Variants in RPTOR observed in about 807,000 individuals in gnomAD.
RPTOR encodes the protein regulatory associated protein of MTOR complex 1.
A neutral mutation model predicts 169.9 loss-of-function variants in RPTOR; 21 were observed. The observed-to-expected ratio is 0.12, with a 90% CI of 0.09 to 0.18. The LOEUF (loss-of-function observed/expected upper bound fraction) is 0.18, where lower values mean the gene tolerates loss of function less well. RPTOR is among the 10% of genes least tolerant of loss of function. The probability of loss-of-function intolerance (pLI) is 1.00; values close to 1 mark genes in which losing one functional copy is unlikely to be tolerated. For synonymous variants in RPTOR, 732 were observed against 753.2 expected, an observed-to-expected ratio of 0.97 and a Z score of 0.46; for missense variants, 1,133 against 1,855.9, an observed-to-expected ratio of 0.61 and a Z score of 7.16.
intron 3 of RPTOR, among the ~76,000 whole-genome samples, chr17:80,663,662 A>G (rs540322314): frequency 6.6e-6 from 1 of 152,314 alleles, no homozygotes; most frequent in Admixed American, 6.5e-5. Flanking sequence ...GGAAAATAAT[A>G]GAATGAATTG....
At chr17:80,891,883 G>A (rs1482011442) in intron 18 of RPTOR, 46 bp downstream of exon 18, 19 of 1,383,242 alleles carry the variant, frequency 1.4e-5, no homozygotes, top group Non-Finnish European at 1.9e-5. Flanking sequence ...TCGCCTGGCG[G>A]TTCTAGTGCA....
Position 80,964,986 on chromosome 17 carries a change from G to A in RPTOR, c.*656G>A, listed in dbSNP as rs1383715505. On this transcript the variant is annotated 3_prime_UTR_variant, in exon 34 of 34. Transcript: ENST00000306801. ...CTGGCAGCATCACTGAGCAGGAAGC[G>A]CACAGCCCACCCTCCCCGCACCTCC... The A allele has an allele frequency of 3.9e-5, 9 of 233,352 alleles. No homozygotes were observed. The highest frequency in any genetic ancestry group is 1.8e-4 in the South Asian group (1 of 5,538). 14.5% of individuals were successfully genotyped at this position (233,352 alleles called of 1,614,324 possible).
intron 6 of RPTOR, among the ~76,000 whole-genome samples, chr17:80,787,430 T>C (rs1229334956): frequency 2.0e-5 from 3 of 152,226 alleles, no homozygotes; most frequent in African/African-American, 7.2e-5. Context: ...TTGTTTTGCT[T>C]TGCTTTGGTG....
At position 80,754,108 on chromosome 17, in the gene RPTOR, G is replaced by T; in HGVS notation, c.753G>T (p.Leu251=). The change falls in exon 6 of 34, where the codon CTG becomes CTT. Residue 251 remains leucine (L), a synonymous_variant. Transcript: ENST00000306801. This position sits in a 1 kb window ranked among gnomAD's most constrained non-coding sequence, Gnocchi z 4.2. ...IQLAACEATE[L]LPMIPDLPAD... ...TGGCAGCCTGCGAGGCCACCGAGCT[G>T]CTGCCCATGATCCCCGACCTCCCGG... 1.9e-6 allele frequency: 3 copies of T among 1,613,934 alleles called. No homozygotes were observed. Among genetic ancestry groups the T allele is most frequent in the Non-Finnish European group, 1.7e-6 (2 of 1,180,026 alleles).
chr17:80,866,398 C>T (rs183561792), intron 13 of RPTOR, among the ~76,000 whole-genome samples: 7 of 152,146 alleles, frequency 4.6e-5, no homozygotes, highest in African/African-American at 1.4e-4. Context: ...AAGAGGGCAG[C>T]GTGAGTGGAG....
intron 7 of RPTOR, among the ~76,000 whole-genome samples, chr17:80,799,505 C>T (rs1489683758): frequency 6.6e-6 from 1 of 152,224 alleles, no homozygotes; most frequent in African/African-American, 2.4e-5. Context: ...TGTCTCAACT[C>T]ACCACATGGA....
chr17:80,719,931 G>GT (rs1243869788), intron 4 of RPTOR, among the ~76,000 whole-genome samples: 2 of 151,912 alleles, frequency 1.3e-5, no homozygotes, highest in African/African-American at 2.4e-5. Flanking sequence ...TTGGTTTTTT[G>GT]TTTTTTTAAT....
chr17:80,657,463 A>C (rs182236353), intron 3 of RPTOR, among the ~76,000 whole-genome samples: 7 of 151,932 alleles, frequency 4.6e-5, no homozygotes, highest in African/African-American at 1.7e-4. Context: ...TAACCAGCTG[A>C]CTTTCCTTCT....
Position 80,820,466 on chromosome 17 carries a change from G to A in RPTOR, c.891-1735G>A, listed in dbSNP as rs2067367989. On this transcript the variant is annotated intron_variant, in intron 7 of 33. Coordinates refer to ENST00000306801, the MANE Select transcript of RPTOR (RefSeq NM_020761.3). This position sits in a 1 kb window ranked among gnomAD's most constrained non-coding sequence, Gnocchi z 4.1. The stretch of plus-strand genomic sequence containing the variant: ...CTGTTCGCGCTGGCGCTTGAGGGCT[G>A]AGATGAGCAACCTGGTAAAATGAGT... Among the ~76,000 whole-genome samples the A allele has an allele frequency of 6.6e-6, 1 of 152,192 alleles. No individual in the cohort carries two copies. The highest frequency in any genetic ancestry group is 1.5e-5 in the Non-Finnish European group (1 of 68,032).
chr17:80,965,519 G>C lies in RPTOR; in HGVS notation c.*1189G>C, dbSNP rs558272767. ...CAAACAGAACACAACCACAATGATGGTATTTTGAAAAGTGTTCTTTCCGTG... is the reference window on the plus strand; with the variant it reads ...CAAACAGAACACAACCACAATGATGCTATTTTGAAAAGTGTTCTTTCCGTG... On this transcript the variant is annotated 3_prime_UTR_variant, in exon 34 of 34. Coordinates refer to ENST00000306801, the MANE Select transcript of RPTOR (RefSeq NM_020761.3). 1 of 233,250 alleles carries C rather than the reference G, an allele frequency of 4.3e-6. No homozygotes were observed. The highest frequency in any genetic ancestry group is 8.5e-6 in the Non-Finnish European group (1 of 118,084). 14.4% of individuals were successfully genotyped at this position (233,250 alleles called of 1,614,324 possible). A position where few individuals can be genotyped will look rare whatever the true frequency, so the allele number is the denominator to read the frequency against.
In RPTOR at chr17:80,727,051, G is replaced by A. The variant is rs187516869; in HGVS notation, c.508-3509G>A. ...CACGTCACGCTGCGAGAACGTGGGCGCTACACCTCCGACCACATCGTGCTC... is the reference window on the plus strand; with the variant it reads ...CACGTCACGCTGCGAGAACGTGGGCACTACACCTCCGACCACATCGTGCTC... On this transcript the variant is annotated intron_variant, in intron 4 of 33. Transcript: ENST00000306801. 2.8e-4 allele frequency among the ~76,000 whole-genome samples: 43 copies of A among 151,698 alleles called. No individual in the cohort carries two copies. The East Asian group carries it at 7.4e-3, about 26-fold the overall frequency.
intron 25 of RPTOR, 50 bp downstream of exon 25, chr17:80,940,651 T>C: frequency 6.8e-7 from 1 of 1,476,618 alleles, no homozygotes; most frequent in South Asian, 1.2e-5. Flanking sequence ...GGGTGGGGCC[T>C]GGGGCGAGGG....
intron 1 of RPTOR, among the ~76,000 whole-genome samples, chr17:80,590,303 CGTGT>C (rs1817020891): frequency 7.2e-6 from 1 of 138,708 alleles, no homozygotes; most frequent in South Asian, 2.3e-4. Context: ...ATGGTTGGGC[CGTGT>C]GTTAGCATGG....
At chr17:80,715,480 T>C (rs2143132986) in intron 4 of RPTOR, among the ~76,000 whole-genome samples, 1 of 152,340 alleles carries the variant, frequency 6.6e-6, no homozygotes, top group East Asian at 1.9e-4. Flanking sequence ...TTATTTTGTT[T>C]ACTGCTACAT....
chr17:80,585,425 T>C (rs537853359), intron 1 of RPTOR, among the ~76,000 whole-genome samples: 3 of 152,220 alleles, frequency 2.0e-5, no homozygotes, highest in Non-Finnish European at 4.4e-5. Context: ...AGGCTGGTCT[T>C]GAACTCCTGA....
At chr17:80,758,310 G>A (rs1160319503) in intron 6 of RPTOR, among the ~76,000 whole-genome samples, 1 of 152,186 alleles carries the variant, frequency 6.6e-6, no homozygotes, top group African/African-American at 2.4e-5. Context: ...GCTTGGAGGA[G>A]GTGGAACCTG....
intron 16 of RPTOR, among the ~76,000 whole-genome samples, chr17:80,884,682 C>G (rs1421189408): frequency 6.6e-6 from 1 of 152,214 alleles, no homozygotes; most frequent in Non-Finnish European, 1.5e-5. Context: ...CTCCCACGCT[C>G]TGTGGCCCAT....
rs139657910 is a variant in RPTOR at position 80,848,392 on chromosome 17, G to C, written c.1314+1818G>C. Among the ~76,000 whole-genome samples, 359 of 152,348 alleles carry C rather than the reference G, an allele frequency of 2.4e-3. No homozygotes were observed. The Middle Eastern group carries it at 0.024, about 10-fold the overall frequency. ...CAAAAAGAATGCAGACGTTATTACT[G>C]TTCTTCCTGTATGTACCTAGATTCG... On this transcript the variant is annotated intron_variant, in intron 11 of 33. Transcript: ENST00000306801.
In RPTOR at chr17:80,672,188, A is replaced by G. The variant is rs149608901; in HGVS notation, c.348+28378A>G. 2.0e-5 allele frequency among the ~76,000 whole-genome samples: 3 copies of G among 152,258 alleles called. No homozygotes were observed. In the East Asian group the frequency reaches 5.8e-4, roughly 29 times the overall value. On this transcript the variant is annotated intron_variant, in intron 3 of 33. Transcript: ENST00000306801. ...GTTAAGATCTCTTTATGCTCACAGT[A>G]TAAAGATTAGGTTTGGCTGAGAGTT... is the stretch of plus-strand genomic sequence containing the variant.
Sources: gnomAD v4.1 joint callset for allele counts (sites outside exome capture counted in the v4.1 genomes callset) on GRCh38, gnomAD v4.1.1 for gene constraint, Gnocchi (gnomAD v3.1) non-coding constraint, MANE v1.5 for transcripts, NCBI Gene and HGNC (gene_info 2026-07-23, HGNC 2026-07-21) for gene names.